PAK1: variants seen among roughly 807,000 people sequenced by gnomAD.
The protein encoded by PAK1 is serine/threonine-protein kinase PAK 1.
PAK1 carries 29 observed loss-of-function variants against 67.4 expected under a neutral mutation model. The ratio of observed to expected loss-of-function variants is 0.43; its 90% CI spans 0.32 to 0.59. The LOEUF is 0.59. Among genes scored for constraint, PAK1 ranks in the 20% least tolerant of loss-of-function variants. The probability of loss-of-function intolerance (pLI) is 0.07; values close to 1 mark genes in which losing one functional copy is unlikely to be tolerated. For synonymous variants in PAK1, 223 were observed against 237.4 expected (o/e 0.94, Z 0.56); for missense variants, 337 against 670.7 (o/e 0.50, Z 5.50).
chr11:77,334,751 T>C (rs1942368864), intron 13 of PAK1, among the ~76,000 whole-genome samples: 1 of 152,182 alleles, frequency 6.6e-6, no homozygotes. Context: ...CATCATCTTT[T>C]AGAAAAACCC....
upstream of PAK1, among the ~76,000 whole-genome samples, chr11:77,479,436 T>C (rs1021558821): frequency 2.0e-5 from 3 of 151,864 alleles, no homozygotes; most frequent in Admixed American, 6.6e-5. Flanking sequence ...AGAAAACTTA[T>C]AGGGGGCCAA....
chr11:77,359,685 G>T (rs1348579600), intron 5 of PAK1, among the ~76,000 whole-genome samples: 3 of 152,110 alleles, frequency 2.0e-5, no homozygotes, highest in Admixed American at 2.0e-4. Context: ...AATTAGATCT[G>T]CTTACAATCT....
intron 1 of PAK1, among the ~76,000 whole-genome samples, chr11:77,412,983 C>T (rs551784395): frequency 6.6e-6 from 1 of 152,248 alleles, no homozygotes; most frequent in South Asian, 2.1e-4. Flanking sequence ...TCTAGTAGTG[C>T]CTCCCAATTA....
intron 5 of PAK1, among the ~76,000 whole-genome samples, chr11:77,364,468 C>A (rs1351614193): frequency 6.6e-6 from 1 of 152,016 alleles, no homozygotes; most frequent in Non-Finnish European, 1.5e-5. Flanking sequence ...AACAAAAAAA[C>A]AACAAACACT....
chr11:77,474,453 GTTTCCGTGCAGCCTTTCTATCAGACAAT>G (rs909942050), upstream of PAK1: 2 of 152,224 alleles, frequency 1.3e-5, no homozygotes, highest in Non-Finnish European at 2.9e-5. Context: ...GTGGCGGGTT[GTTTCCGTGCAGCCTTTCTATCAGACAAT>G]TTTGGGACGA....
intron 1 of PAK1, chr11:77,412,007 GAAGA>G (rs1276137345): frequency 2.6e-5 from 4 of 152,326 alleles, no homozygotes; most frequent in African/African-American, 9.6e-5. Context: ...AGGGGCGGGG[GAAGA>G]AAGGAGGGAA....
intron 1 of PAK1, among the ~76,000 whole-genome samples, chr11:77,451,420 T>C (rs997981310): frequency 2.0e-5 from 3 of 152,198 alleles, no homozygotes; most frequent in Non-Finnish European, 4.4e-5. Context: ...CATTACATCA[T>C]ACCGCCTTTG....
intron 2 of PAK1, among the ~76,000 whole-genome samples, chr11:77,385,627 G>A (rs1257211061): frequency 2.0e-5 from 3 of 152,266 alleles, no homozygotes; most frequent in African/African-American, 7.2e-5. Flanking sequence ...CAGCCGTGGC[G>A]GGTGAATCAC....
chr11:77,359,433 T>C (rs1258416232), intron 5 of PAK1, among the ~76,000 whole-genome samples: 3 of 152,184 alleles, frequency 2.0e-5, no homozygotes, highest in African/African-American at 7.2e-5. Flanking sequence ...AATTCATCAC[T>C]ATAATTTCTT....
intron 11 of PAK1, among the ~76,000 whole-genome samples, chr11:77,338,939 G>A (rs1325483247): frequency 4.6e-5 from 7 of 152,136 alleles, no homozygotes; most frequent in Non-Finnish European, 8.8e-5. Context: ...CAGGGGACAT[G>A]GGGAGTGACT....
chr11:77,466,618 T>C (rs1052330845), intron 1 of PAK1, among the ~76,000 whole-genome samples: 1 of 150,666 alleles, frequency 6.6e-6, no homozygotes, highest in South Asian at 2.1e-4. Flanking sequence ...AAAAAAAAAG[T>C]CTTCAAATGA....
chr11:77,363,601 T>G (rs993065918), intron 5 of PAK1, among the ~76,000 whole-genome samples: 3 of 152,242 alleles, frequency 2.0e-5, no homozygotes, highest in Admixed American at 2.0e-4. Flanking sequence ...TCTTCCTCAT[T>G]GCTTTTTGGG....
intron 1 of PAK1, among the ~76,000 whole-genome samples, chr11:77,410,048 A>G (rs79220480): frequency 6.6e-6 from 1 of 152,082 alleles, no homozygotes; most frequent in African/African-American, 2.4e-5. Flanking sequence ...CTCTTCTTCA[A>G]AAGAGCACTG....
intron 5 of PAK1, among the ~76,000 whole-genome samples, chr11:77,366,331 T>C (rs986354771): frequency 6.6e-6 from 1 of 152,246 alleles, no homozygotes; most frequent in African/African-American, 2.4e-5. Flanking sequence ...AAAATACTTT[T>C]TGTTATTTCT....
chr11:77,355,531 G>C, intron 7 of PAK1, 137 bp downstream of exon 7: 1 of 684,480 alleles, frequency 1.5e-6, no homozygotes, highest in East Asian at 2.5e-5. Flanking sequence ...TTCAGGGGCA[G>C]GGTGAGGAGA....
In PAK1 at chr11:77,374,338, G is replaced by T. The variant is rs1037475719; in HGVS notation, c.467C>A (p.Ser156Tyr). The T allele has an allele frequency of 1.1e-5, 17 of 1,589,978 alleles. No individual in the cohort carries two copies. The highest frequency in any genetic ancestry group is 1.5e-5 in the Non-Finnish European group (17 of 1,158,100). ...TDKSAEDYNS[S>Y]NALNVKAVSE... ...TAAATAAAGACTTACCAAGGCATTA[G>T]AAGAATTGTAATCCTCAGCTGACTT... Residue 156 changes from serine (S) to tyrosine (Y), a missense_variant, in exon 5 of 15, where the codon TCT becomes TAT. By Grantham distance (144) the Ser-to-Tyr change is moderately radical. Transcript: ENST00000356341.
chr11:77,377,555 C>A (rs1949262506), intron 4 of PAK1, among the ~76,000 whole-genome samples: 1 of 152,082 alleles, frequency 6.6e-6, no homozygotes, highest in Non-Finnish European at 1.5e-5. Context: ...CACATAATTA[C>A]CTGAATGTTT....
chr11:77,398,935 C>G (rs1479393422), intron 1 of PAK1, among the ~76,000 whole-genome samples: 5 of 152,140 alleles, frequency 3.3e-5, no homozygotes, highest in Non-Finnish European at 5.9e-5. Flanking sequence ...TTGACTTTTA[C>G]TAAAAGTCTA....
intron 1 of PAK1, among the ~76,000 whole-genome samples, chr11:77,420,516 T>C (rs1395974310): frequency 6.6e-6 from 1 of 152,210 alleles, no homozygotes; most frequent in Non-Finnish European, 1.5e-5. Context: ...AAATGGCAAT[T>C]CTACTCTTTC....
Sources: allele counts gnomAD v4.1 joint callset (sites outside exome capture counted in the v4.1 genomes callset), GRCh38; gene constraint gnomAD v4.1.1; transcripts MANE v1.5; gene names NCBI Gene and HGNC (gene_info 2026-07-23, HGNC 2026-07-21).